The following TG variants were observed in gnomAD, a reference collection of about 807,000 sequenced individuals.
TG encodes thyroid hormones.
Under a neutral mutation model 324.7 loss-of-function variants are expected in TG, and 270 were observed. The ratio of observed to expected loss-of-function variants is 0.83; its 90% CI spans 0.75 to 0.92. The LOEUF is 0.92. Ranked by LOEUF, TG falls within the 40% of genes least tolerant of loss-of-function variation. The pLI is 0.00. For missense variants in TG, 3,591 were observed against 3,456.4 expected (o/e 1.04, Z -0.98); for synonymous variants, 1,401 against 1,327.0 (o/e 1.06, Z -1.21).
intron 5 of TG, among the ~76,000 whole-genome samples, chr8:132,880,246 C>T (rs1310935057): frequency 6.6e-6 from 1 of 152,212 alleles, no homozygotes; most frequent in African/African-American, 2.4e-5. Flanking sequence ...GGCCCATATA[C>T]CTCACCTTCT....
chr8:133,038,877 A>T (rs1319365025), intron 41 of TG: 1 of 601,644 alleles, frequency 1.7e-6, no homozygotes, highest in Non-Finnish European at 2.9e-6. Flanking sequence ...ACTTATTATT[A>T]TTTTTCTTTA....
chr8:133,094,718 T>C (rs1489127140), intron 41 of TG: 2 of 401,008 alleles, frequency 5.0e-6, no homozygotes, highest in Admixed American at 7.2e-5. Flanking sequence ...TTTGCCACAA[T>C]CTCCGATCCT....
At position 132,979,076 on chromosome 8, in the gene TG, G is replaced by T. The variant is rs148914325; in HGVS notation, c.6200-4274G>T. ...TGAGACTGTTTGCAGCCCCTTCCTG[G>T]CAGTAGAGCCAGAGAGGAACTGTTC... On this transcript the variant is annotated intron_variant, in intron 34 of 47. Transcript: ENST00000220616. Among the ~76,000 whole-genome samples, 248 of 152,288 alleles carry T rather than the reference G, an allele frequency of 1.6e-3. 3 individuals are homozygous for T. Among genetic ancestry groups the T allele is most frequent in the African/African-American group, 5.8e-3 (241 of 41,550 alleles).
At chr8:133,061,178 T>C (rs1389241953) in intron 41 of TG, among the ~76,000 whole-genome samples, 1 of 152,118 alleles carries the variant, frequency 6.6e-6, no homozygotes, top group Admixed American at 6.5e-5. Flanking sequence ...CCCAGCTAAT[T>C]TTTGTATTTT....
chr8:132,930,244 G>GGACA (rs1822503399), intron 23 of TG, among the ~76,000 whole-genome samples: 1 of 152,208 alleles, frequency 6.6e-6, no homozygotes, highest in Non-Finnish European at 1.5e-5. Flanking sequence ...AGGAATGGAG[G>GGACA]GACAGAACCA....
At chr8:132,987,721 G>GTGGT (rs113788102) in intron 35 of TG, among the ~76,000 whole-genome samples, 3 of 149,882 alleles carry the variant, frequency 2.0e-5, no homozygotes, top group South Asian at 4.2e-4. Flanking sequence ...GTGTGTGTGT[G>GTGGT]GTGTGTGTGT....
intron 21 of TG, among the ~76,000 whole-genome samples, chr8:132,921,805 A>T (rs1423872018): frequency 2.6e-5 from 4 of 152,214 alleles, no homozygotes; most frequent in South Asian, 2.1e-4. Context: ...CATGTATAGC[A>T]TGCAGGACAT....
chr8:132,933,857 A>G (rs937859601), intron 24 of TG, among the ~76,000 whole-genome samples, 181 bp downstream of exon 24: 1 of 152,102 alleles, frequency 6.6e-6, no homozygotes, highest in African/African-American at 2.4e-5. Flanking sequence ...TAGTCCAGAG[A>G]CAGACCCAAG....
At chr8:132,990,336 A>G (rs1832157454) in intron 35 of TG, among the ~76,000 whole-genome samples, 5 of 152,068 alleles carry the variant, frequency 3.3e-5, no homozygotes, top group Admixed American at 3.3e-4. Flanking sequence ...TGAGATACAG[A>G]GTGGTATCTT....
intron 41 of TG, 130 bp from the exon 42 acceptor site, chr8:133,094,914 C>G (rs1410131997): frequency 2.4e-6 from 3 of 1,251,424 alleles, no homozygotes; most frequent in Non-Finnish European, 3.5e-6. Context: ...GTGTGCAGCC[C>G]CAGAATGGGT....
intron 5 of TG, among the ~76,000 whole-genome samples, chr8:132,878,223 C>T (rs974894610): frequency 9.2e-5 from 14 of 152,192 alleles, no homozygotes; most frequent in African/African-American, 3.1e-4. Flanking sequence ...TTCCTCGGGT[C>T]CTCATGAAGG....
chr8:133,087,436 C>T (rs995983205), intron 41 of TG, among the ~76,000 whole-genome samples: 3 of 152,122 alleles, frequency 2.0e-5, no homozygotes, highest in African/African-American at 4.8e-5. Flanking sequence ...CTTCCTCCCT[C>T]GGGGTGTGAG....
intron 43 of TG, among the ~76,000 whole-genome samples, chr8:133,098,255 A>T (rs924653460): frequency 6.6e-6 from 1 of 152,242 alleles, no homozygotes; most frequent in African/African-American, 2.4e-5. Flanking sequence ...GTTAAGAAAT[A>T]GTAAGTTTAG....
chr8:132,933,791 CCT>C, intron 24 of TG, 115 bp downstream of exon 24: 1 of 880,850 alleles, frequency 1.1e-6, no homozygotes, highest in Non-Finnish European at 1.9e-6. Flanking sequence ...GAGAGCTGAT[CCT>C]CTGTTACCTC....
At chr8:132,896,763 C>T (rs1817172695) in intron 11 of TG, among the ~76,000 whole-genome samples, 1 of 152,194 alleles carries the variant, frequency 6.6e-6, no homozygotes, top group Non-Finnish European at 1.5e-5. Flanking sequence ...GCCAGACACT[C>T]CTCTACATGC....
chr8:133,068,824 A>G (rs1587976943), intron 41 of TG, among the ~76,000 whole-genome samples: 1 of 152,368 alleles, frequency 6.6e-6, no homozygotes, highest in South Asian at 2.1e-4. Flanking sequence ...TTCTGTACAC[A>G]GAGGCCCCCA....
chr8:132,955,225 G>A (rs544949520), intron 27 of TG, among the ~76,000 whole-genome samples: 41 of 152,260 alleles, frequency 2.7e-4, no homozygotes, highest in African/African-American at 9.9e-4. Flanking sequence ...TGTAATGAAA[G>A]CAAGTCTCCA....
At chr8:132,875,466 G>A (rs892860230) in intron 5 of TG, among the ~76,000 whole-genome samples, 4 of 152,142 alleles carry the variant, frequency 2.6e-5, no homozygotes, top group African/African-American at 9.7e-5. Context: ...GTAAGCTTAG[G>A]TGCTAGAACT....
chr8:132,893,969 T>C (rs1816732823), intron 11 of TG, 40 bp downstream of exon 11: 1 of 1,613,930 alleles, frequency 6.2e-7, no homozygotes, highest in Non-Finnish European at 8.5e-7. Context: ...TGCATCGCTT[T>C]GGAAAAGCAG....
Sources: gnomAD v4.1 joint callset for allele counts (sites outside exome capture counted in the v4.1 genomes callset) on GRCh38, gnomAD v4.1.1 for gene constraint, MANE v1.5 for transcripts, NCBI Gene and HGNC (gene_info 2026-07-23, HGNC 2026-07-21) for gene names.